The following GRM7 variants were observed in gnomAD, a reference collection of about 807,000 sequenced individuals.
GRM7 encodes glutamate metabotropic receptor 7, also known as metabotropic glutamate receptor 7.
A neutral mutation model predicts 84.5 loss-of-function variants in GRM7; 35 were observed. The observed-to-expected ratio is 0.41, with a 90% CI of 0.32 to 0.55. The LOEUF (loss-of-function observed/expected upper bound fraction) is 0.55, where lower values mean the gene tolerates loss of function less well. Among genes scored for constraint, GRM7 ranks in the 20% least tolerant of loss-of-function variants. The pLI is 0.19. For missense variants in GRM7, 1,003 were observed against 1,194.6 expected, an observed-to-expected ratio of 0.84 and a Z score of 2.36; for synonymous variants, 487 against 455.1, an observed-to-expected ratio of 1.07 and a Z score of -0.89.
intron 4 of GRM7, among the ~76,000 whole-genome samples, chr3:7,379,099 G>A (rs1359378674): frequency 2.0e-5 from 3 of 152,104 alleles, no homozygotes; most frequent in African/African-American, 4.8e-5. Context: ...TGAAGATGGA[G>A]TCTCGCTCTG....
At chr3:7,506,011 A>T (rs1323055718) in intron 7 of GRM7, among the ~76,000 whole-genome samples, 1 of 152,168 alleles carries the variant, frequency 6.6e-6, no homozygotes, top group Non-Finnish European at 1.5e-5. Context: ...GTAATTATAA[A>T]TTCTGTCTTT....
At chr3:7,478,709 G>C (rs893408074) in intron 7 of GRM7, among the ~76,000 whole-genome samples, 1 of 148,766 alleles carries the variant, frequency 6.7e-6, no homozygotes, top group Admixed American at 6.6e-5. Context: ...GGGAACACTG[G>C]AGAGGGATGA....
chr3:7,089,119 G>C (rs1698569303), intron 1 of GRM7, among the ~76,000 whole-genome samples: 1 of 152,034 alleles, frequency 6.6e-6, no homozygotes, highest in Non-Finnish European at 1.5e-5. Flanking sequence ...TATCTCTTTT[G>C]GAAAATTCCA....
intron 1 of GRM7, among the ~76,000 whole-genome samples, chr3:7,110,986 G>C (rs1035947738): frequency 3.3e-5 from 5 of 152,108 alleles, no homozygotes; most frequent in African/African-American, 1.2e-4. Context: ...AATGGGTGGA[G>C]GGGAAGGAGA....
intron 4 of GRM7, among the ~76,000 whole-genome samples, chr3:7,362,798 G>A (rs1391052198): frequency 6.6e-6 from 1 of 152,080 alleles, no homozygotes; most frequent in Non-Finnish European, 1.5e-5. Flanking sequence ...GTAATATTAT[G>A]CCACTTCATT....
intron 1 of GRM7, among the ~76,000 whole-genome samples, chr3:7,091,480 G>A (rs1019923639): frequency 3.9e-5 from 6 of 151,988 alleles, no homozygotes; most frequent in African/African-American, 1.5e-4. Context: ...GTGTGTTTAT[G>A]CTAGTCCATT....
At chr3:7,529,550 G>A (rs1700946454) in intron 7 of GRM7, among the ~76,000 whole-genome samples, 2 of 152,032 alleles carry the variant, frequency 1.3e-5, no homozygotes, top group South Asian at 2.1e-4. Flanking sequence ...GACTCTTAAC[G>A]GACACTTATT....
chr3:6,891,992 A>T (rs1695972088), intron 1 of GRM7, among the ~76,000 whole-genome samples: 1 of 151,996 alleles, frequency 6.6e-6, no homozygotes, highest in South Asian at 2.1e-4. Flanking sequence ...TTCATCTTCC[A>T]TCACTGATAC....
intron 9 of GRM7, among the ~76,000 whole-genome samples, chr3:7,731,750 G>T (rs530021302): frequency 3.3e-5 from 5 of 152,236 alleles, no homozygotes; most frequent in African/African-American, 1.2e-4. Context: ...ATTGTAGACT[G>T]GCCTTTTGAG....
intron 8 of GRM7, among the ~76,000 whole-genome samples, chr3:7,583,367 C>T (rs1019072150): frequency 5.9e-5 from 9 of 152,174 alleles, no homozygotes; most frequent in African/African-American, 2.2e-4. Context: ...ATAGAGGGAT[C>T]AGAAAATTTG....
chr3:7,170,368 CGTA>C (rs1337977394), intron 2 of GRM7, among the ~76,000 whole-genome samples: 1 of 152,128 alleles, frequency 6.6e-6, no homozygotes, highest in Non-Finnish European at 1.5e-5. Context: ...TTGAGTAAGG[CGTA>C]CTTAGCACAG....
chr3:7,740,368 A>G lies in GRM7; in HGVS notation c.2710A>G (p.Lys904Glu). The G allele has an allele frequency of 1.9e-6, 3 of 1,590,744 alleles. No homozygotes were observed. Among genetic ancestry groups the G allele is most frequent in the African/African-American group, 2.7e-5 (2 of 74,074 alleles). The part of the protein sequence containing the change: ...ENVDPNSPAA[K>E]KKYVSYNNLV... ...AATTTTTCTTTCAGGCCCTGCTGCA[A>G]AAAAGAAGTATGTCAGTTATAATAA... The change falls in exon 10 of 10, where the codon AAA becomes GAA. Residue 904 changes from lysine (K) to glutamate (E), a missense_variant. Physicochemically the swap from Lys to Glu is moderately conservative, Grantham distance 56. Around this residue, in one of 2 missense-constraint regions of GRM7, gnomAD observed 910 missense variants for 1,126.0 expected, o/e 0.81. Transcript: ENST00000357716.
At chr3:7,599,139 C>T (rs2125068916) in intron 8 of GRM7, among the ~76,000 whole-genome samples, 1 of 152,226 alleles carries the variant, frequency 6.6e-6, no homozygotes, top group Non-Finnish European at 1.5e-5. Context: ...GTGGCAGCAA[C>T]TGATTTCATT....
chr3:7,415,217 A>G, intron 5 of GRM7, 54 bp downstream of exon 5: 3 of 1,445,208 alleles, frequency 2.1e-6, no homozygotes, highest in South Asian at 1.2e-5. Flanking sequence ...TAGCACTGAC[A>G]TGTCTGCATA....
intron 5 of GRM7, among the ~76,000 whole-genome samples, chr3:7,416,890 C>T (rs572763734): frequency 1.3e-5 from 2 of 152,100 alleles, no homozygotes; most frequent in African/African-American, 2.4e-5. Flanking sequence ...TCAAGTGCAC[C>T]GGAAGTATGT....
chr3:7,328,101 G>T (rs1023001091), intron 4 of GRM7, among the ~76,000 whole-genome samples: 14 of 152,020 alleles, frequency 9.2e-5, no homozygotes. Context: ...AACCAACTAT[G>T]GCACTAAAAT....
rs56661584 is a variant in GRM7, at chr3:7,338,229, A to G, written c.1033+31577A>G. On this transcript the variant is annotated intron_variant, in intron 4 of 9. Transcript: ENST00000357716. ...ATGGAGTTGGAGACCATTATTCTAC[A>G]TGAAGTAACTCAGAAATGGAAAACC... 6.0e-3 allele frequency among the ~76,000 whole-genome samples: 910 copies of G among 152,052 alleles called. 5 individuals carry two copies. The highest frequency in any genetic ancestry group is 0.021 in the African/African-American group (868 of 41,494).
At chr3:7,115,244 T>C (rs1692991402) in intron 1 of GRM7, among the ~76,000 whole-genome samples, 1 of 152,158 alleles carries the variant, frequency 6.6e-6, no homozygotes, top group Non-Finnish European at 1.5e-5. Context: ...GTACAAACTT[T>C]AGGACAATGT....
At chr3:7,504,391 A>G (rs1021112001) in intron 7 of GRM7, among the ~76,000 whole-genome samples, 7 of 152,296 alleles carry the variant, frequency 4.6e-5, no homozygotes, top group African/African-American at 1.7e-4. Context: ...CTCTAAGATT[A>G]TACTCCCCCA....
Sources: gnomAD v4.1 joint callset for allele counts (sites outside exome capture counted in the v4.1 genomes callset) on GRCh38, gnomAD v4.1.1 for gene constraint, gnomAD v4.1.1 regional missense constraint, MANE v1.5 for transcripts, NCBI Gene and HGNC (gene_info 2026-07-23, HGNC 2026-07-21) for gene names.